The following PEMT variants were observed in gnomAD, a reference collection of about 807,000 sequenced individuals.
PEMT encodes phosphatidylethanolamine N-methyltransferase.
A neutral mutation model predicts 27.4 loss-of-function variants in PEMT; 23 were observed. That is an observed-to-expected ratio of 0.84 (90% CI 0.60 to 1.19). The LOEUF (loss-of-function observed/expected upper bound fraction) is 1.19, where lower values mean the gene tolerates loss of function less well. PEMT is among the 50% of genes most tolerant of loss of function. PEMT has a pLI of 0.00. For synonymous variants in PEMT, 137 were observed against 139.1 expected (o/e 0.98, Z 0.11); for missense variants, 307 against 310.1 (o/e 0.99, Z 0.07).
At chr17:17,562,503 G>A (rs140696155) in intron 2 of PEMT, among the ~76,000 whole-genome samples, 335 of 152,370 alleles carry the variant, frequency 2.2e-3, no homozygotes, top group African/African-American at 7.8e-3. Flanking sequence ...TGGGGAACAT[G>A]TGCCTTCGAG....
intron 2 of PEMT, among the ~76,000 whole-genome samples, chr17:17,552,427 A>G (rs905685111): frequency 6.6e-5 from 10 of 152,200 alleles, no homozygotes; most frequent in Non-Finnish European, 1.2e-4. Flanking sequence ...CATGTCTAAT[A>G]AGGGCCTTGC....
At chr17:17,559,568 T>C (rs1910318643) in intron 2 of PEMT, among the ~76,000 whole-genome samples, 1 of 152,070 alleles carries the variant, frequency 6.6e-6, no homozygotes, top group African/African-American at 2.4e-5. Flanking sequence ...TCCTCAGAGG[T>C]GCCAAAGGCT....
chr17:17,540,400 G>A (rs1167851306), intron 2 of PEMT, among the ~76,000 whole-genome samples: 1 of 152,234 alleles, frequency 6.6e-6, no homozygotes, highest in South Asian at 2.1e-4. Context: ...CACAGCACAC[G>A]TGAGGGAGGG....
chr17:17,570,286 G>C (rs565183219), intron 2 of PEMT, among the ~76,000 whole-genome samples: 1 of 152,320 alleles, frequency 6.6e-6, no homozygotes, highest in Admixed American at 6.5e-5. Flanking sequence ...ATGCTCCTGG[G>C]AAGGGGACAG....
At chr17:17,591,306 C>G in intron 1 of PEMT, 1 of 549,094 alleles carries the variant, frequency 1.8e-6, no homozygotes. Flanking sequence ...ACGCCCCCGT[C>G]TCTGACACAC....
chr17:17,529,604 C>T (rs984752121), intron 2 of PEMT, among the ~76,000 whole-genome samples: 4 of 152,186 alleles, frequency 2.6e-5, no homozygotes, highest in African/African-American at 9.7e-5. Flanking sequence ...AACCTGCACC[C>T]GAGGCCCCAG....
chr17:17,571,133 G>A (rs1354297906), intron 2 of PEMT, among the ~76,000 whole-genome samples: 1 of 152,052 alleles, frequency 6.6e-6, no homozygotes, highest in Non-Finnish European at 1.5e-5. Context: ...TTATCACAGT[G>A]TTCATTACAA....
chr17:17,509,936 C>G (rs1270208123), intron 4 of PEMT, among the ~76,000 whole-genome samples: 1 of 152,192 alleles, frequency 6.6e-6, no homozygotes, highest in Non-Finnish European at 1.5e-5. Context: ...CATGGCGCCT[C>G]TTTATGCAGA....
At position 17,518,643 on chromosome 17, in the gene PEMT, G is replaced by C. The variant is rs1052766967; in HGVS notation, c.320+3637C>G. Among the ~76,000 whole-genome samples the C allele has an allele frequency of 3.3e-5, 5 of 152,292 alleles. No individual in the cohort carries two copies. The South Asian group carries it at 6.2e-4, about 19-fold the overall frequency. The stretch of plus-strand genomic sequence containing the variant: ...GCAGGTCAGCTGCTGGTGGCCTCTC[G>C]GACATCCCATCCATGACCCAGGCTT... On this transcript the variant is annotated intron_variant, in intron 3 of 6. Coordinates refer to ENST00000255389, the MANE Select transcript of PEMT (RefSeq NM_148172.3).
rs1912589984 is a variant in PEMT at position 17,591,532 on chromosome 17, T to C, written c.95A>G (p.Gln32Arg). 1.2e-6 allele frequency: 2 copies of C among 1,611,074 alleles called. No individual in the cohort carries two copies. The highest frequency in any genetic ancestry group is 1.7e-6 in the Non-Finnish European group (2 of 1,177,732). ...GCGGCGGTCCGGTGCGGTCAGTACC[T>C]GTCTAAAATCAATATTGCCGAGGCC... ...CGGLGNIDFR[Q>R]ADFCVMTRLL... is the part of the protein sequence containing the mutation. The change falls in exon 1 of 7, where the codon CAG becomes CGG. Residue 32 changes from glutamine to arginine, a missense_variant and splice_region_variant. Coordinates refer to ENST00000255389, the MANE Select transcript of PEMT (RefSeq NM_148172.3).
intron 2 of PEMT, among the ~76,000 whole-genome samples, chr17:17,560,602 C>T (rs921873574): frequency 1.3e-5 from 2 of 152,162 alleles, no homozygotes; most frequent in African/African-American, 4.8e-5. Flanking sequence ...AATGGGGGCG[C>T]GGGCCCCTGG....
chr17:17,547,064 C>T (rs371218478), intron 2 of PEMT, among the ~76,000 whole-genome samples: 10 of 152,272 alleles, frequency 6.6e-5, no homozygotes, highest in East Asian at 5.8e-4. Context: ...CCACATGCTC[C>T]GCCTGGGGGG....
intron 1 of PEMT, among the ~76,000 whole-genome samples, chr17:17,586,222 A>AAGAAAGAC (rs1392054919): frequency 2.3e-4 from 13 of 57,334 alleles, no homozygotes; most frequent in Non-Finnish European, 1.0e-4. Context: ...AAGAAAAAGA[A>AAGAAAGAC]AGAAAGAAAG....
At chr17:17,589,086 G>A (rs1238982633) in intron 1 of PEMT, among the ~76,000 whole-genome samples, 1 of 152,120 alleles carries the variant, frequency 6.6e-6, no homozygotes, top group East Asian at 1.9e-4. Flanking sequence ...TCAGCCTCCC[G>A]AGTAGCTGGG....
At chr17:17,540,894 G>A (rs1417217780) in intron 2 of PEMT, among the ~76,000 whole-genome samples, 2 of 152,194 alleles carry the variant, frequency 1.3e-5, no homozygotes, top group South Asian at 2.1e-4. Flanking sequence ...GTAAATGTTC[G>A]CTGATTATAA....
intron 1 of PEMT, among the ~76,000 whole-genome samples, chr17:17,588,421 G>C (rs1262857386): frequency 6.6e-6 from 1 of 152,096 alleles, no homozygotes. Flanking sequence ...AGGGACCTGT[G>C]TCCCCTGCCC....
chr17:17,527,879 G>C (rs898975167), intron 2 of PEMT, among the ~76,000 whole-genome samples: 11 of 152,334 alleles, frequency 7.2e-5, no homozygotes, highest in Non-Finnish European at 1.2e-4. Flanking sequence ...ACTCTCAGAA[G>C]CTCCTCCTCT....
intron 1 of PEMT, chr17:17,577,564 A>T (rs907853207): frequency 3.3e-5 from 33 of 986,426 alleles, no homozygotes; most frequent in Non-Finnish European, 4.0e-5. Flanking sequence ...CGCCACCCGC[A>T]TACGGGGGGC....
chr17:17,518,261 C>T (rs1047989046), intron 3 of PEMT: 108 of 613,730 alleles, frequency 1.8e-4, no homozygotes, highest in East Asian at 9.8e-4. Context: ...GAAGCCCGTT[C>T]GAGCCCTGCC....
Sources: gnomAD v4.1 joint callset for allele counts (sites outside exome capture counted in the v4.1 genomes callset) on GRCh38, gnomAD v4.1.1 for gene constraint, MANE v1.5 for transcripts, NCBI Gene and HGNC (gene_info 2026-07-23, HGNC 2026-07-21) for gene names.